GARS1: variants seen among roughly 807,000 people sequenced by gnomAD.
GARS1 encodes glycyl-tRNA synthetase 1, also known as glycine--tRNA ligase.
In GARS1, 46 loss-of-function variants were observed where a neutral mutation model predicts 86.4. The observed-to-expected ratio is 0.53, with a 90% CI of 0.42 to 0.68. The LOEUF (loss-of-function observed/expected upper bound fraction) is 0.68. Among genes scored for constraint, GARS1 ranks in the 30% least tolerant of loss-of-function variants. The pLI is 0.00. For missense variants in GARS1, 797 were observed against 915.6 expected (o/e 0.87, Z 1.67); for synonymous variants, 342 against 329.8 (o/e 1.04, Z -0.40).
In GARS1 at chr7:30,633,848, A is replaced by C. The variant is rs1783283636; in HGVS notation, c.2208A>C (p.Thr736=). 6.2e-7 allele frequency: 1 copy of C among 1,613,564 alleles called. No homozygotes were observed. Among genetic ancestry groups the C allele is most frequent in the South Asian group, 1.1e-5 (1 of 91,068 alleles). The change falls in exon 17 of 17, where the codon ACA becomes ACC. Residue 736 remains threonine, a synonymous_variant. Coordinates refer to ENST00000389266, the MANE Select transcript of GARS1 (RefSeq NM_002047.4). ...GGCAAGAGACTGGTAAAAAAGAGACAATCGAGGAATGAGGACAATTTTGAC... is the reference window on the plus strand; with the variant it reads ...GGCAAGAGACTGGTAAAAAAGAGACCATCGAGGAATGAGGACAATTTTGAC... ...FEGQETGKKE[T]IEE is the part of the protein sequence containing the mutation.
At chr7:30,626,509 C>T (rs532883640) in intron 13 of GARS1, among the ~76,000 whole-genome samples, 190 bp downstream of exon 13, 1 of 152,260 alleles carries the variant, frequency 6.6e-6, no homozygotes, top group South Asian at 2.1e-4. Flanking sequence ...GCTACCATAT[C>T]CAACTAATTT....
At position 30,595,742 on chromosome 7, in the gene GARS1, TGTGGG is replaced by T. The variant is rs1584018442; in HGVS notation, c.222+601_222+605del. On this transcript the variant is annotated intron_variant, in intron 1 of 16. Coordinates refer to ENST00000389266, the MANE Select transcript of GARS1 (RefSeq NM_002047.4). ...TGAGAAAATAGAATTGAAATGTGGA[TGTGGG>T]GAGGTGTCGAACTTTTCTATTAATG... 7 of 470,954 alleles carry T rather than the reference TGTGGG, an allele frequency of 1.5e-5. No individual in the cohort carries two copies. In the East Asian group the frequency reaches 4.9e-4, roughly 33 times the overall value. 29.2% of individuals were successfully genotyped at this position (470,954 alleles called of 1,614,324 possible).
At position 30,621,392 on chromosome 7, in the gene GARS1, G is replaced by A. The variant is rs966089381; in HGVS notation, c.1360-1G>A. On this transcript the variant is annotated splice_acceptor_variant, in intron 10 of 16. Transcript: ENST00000389266. LOFTEE classifies it high-confidence loss of function. ...TGTTTTTATTGATTATATCTTTTTA[G>A]GGTTGGATTGAGATTGTTGGATGTG... The A allele has an allele frequency of 6.2e-7, 1 of 1,613,018 alleles. No homozygotes were observed. Among genetic ancestry groups the A allele is most frequent in the African/African-American group, 1.3e-5 (1 of 74,854 alleles).
At chr7:30,609,225 C>T (rs1036314849) in intron 6 of GARS1, among the ~76,000 whole-genome samples, 2 of 152,136 alleles carry the variant, frequency 1.3e-5, no homozygotes, top group Non-Finnish European at 2.9e-5. Context: ...TGCAGAAATG[C>T]ACCTTAAATA....
intron 4 of GARS1, 58 bp downstream of exon 4, chr7:30,601,258 T>A: frequency 2.2e-6 from 3 of 1,370,374 alleles, no homozygotes; most frequent in Non-Finnish European, 3.0e-6. Flanking sequence ...CTTATTAAAT[T>A]ATTTAATATA....
intron 8 of GARS1, chr7:30,614,353 G>C (rs1782841501): frequency 6.6e-6 from 1 of 152,016 alleles, no homozygotes; most frequent in African/African-American, 2.4e-5. Context: ...GAAAGACTTT[G>C]GCAGCAGCAT....
Position 30,594,932 on chromosome 7 carries a change from C to G in GARS1, c.11C>G (p.Pro4Arg), listed in dbSNP as rs62636572. Reference protein sequence around the residue: MPSPRPVLLRGARA... With the variant: MPSRRPVLLRGARA... ...CAGGGCCGCAGGCTCATGCCCTCTC[C>G]GCGTCCAGTGCTGCTTAGAGGTGCT... Residue 4 changes from proline (P) to arginine (R), a missense_variant, in exon 1 of 17, where the codon CCG becomes CGG. Transcript: ENST00000389266. The G allele has an allele frequency of 6.3e-7, 1 of 1,591,140 alleles. No homozygotes were observed. The highest frequency in any genetic ancestry group is 8.5e-7 in the Non-Finnish European group (1 of 1,175,976).
chr7:30,626,141 G>GA lies in GARS1; in HGVS notation c.1614-87dup. On this transcript the variant is annotated intron_variant, in intron 12 of 16. Transcript: ENST00000389266. ...TGGAGAGTTGATCAAGTTATAAAAA[G>GA]AAAAAACAACTTAGCAATCTACAAA... 4.1e-6 allele frequency: 3 copies of GA among 730,748 alleles called. No homozygotes were observed. In the Admixed American group the frequency reaches 6.7e-5, roughly 16 times the overall value. 45.3% of individuals were successfully genotyped at this position (730,748 alleles called of 1,614,324 possible).
chr7:30,633,665 C>T, intron 16 of GARS1, 70 bp from the exon 17 acceptor site: 1 of 1,570,338 alleles, frequency 6.4e-7, no homozygotes, highest in East Asian at 2.2e-5. Context: ...TTCCTGAGTT[C>T]AGGATGAATC....
At chr7:30,633,223 T>C (rs1783272745) in intron 16 of GARS1, among the ~76,000 whole-genome samples, 1 of 152,148 alleles carries the variant, frequency 6.6e-6, no homozygotes, top group South Asian at 2.1e-4. Flanking sequence ...CCCCTGGAAA[T>C]GTATGAGATA....
intron 1 of GARS1, among the ~76,000 whole-genome samples, 165 bp downstream of exon 1, chr7:30,595,308 C>G (rs564113357): frequency 4.3e-4 from 66 of 152,298 alleles, no homozygotes; most frequent in African/African-American, 1.5e-3. Flanking sequence ...GGTCCCAAGT[C>G]CCCCGTGCGT....
chr7:30,597,874 A>G (rs1411951788), intron 1 of GARS1, among the ~76,000 whole-genome samples: 1 of 152,216 alleles, frequency 6.6e-6, no homozygotes, highest in Non-Finnish European at 1.5e-5. Context: ...TACTCAGCTG[A>G]AAGTTTTTCA....
intron 13 of GARS1, among the ~76,000 whole-genome samples, chr7:30,626,808 C>T (rs1285483054): frequency 7.2e-5 from 11 of 152,124 alleles, no homozygotes; most frequent in African/African-American, 2.7e-4. Context: ...TGGTGAAACC[C>T]CGTCTCTACT....
chr7:30,605,599 C>T (rs1791467685), intron 6 of GARS1, among the ~76,000 whole-genome samples: 1 of 152,156 alleles, frequency 6.6e-6, no homozygotes, highest in Non-Finnish European at 1.5e-5. Context: ...CTCACTGCAG[C>T]CAGGACCTCC....
intron 1 of GARS1, chr7:30,595,739 G>A: frequency 6.4e-6 from 3 of 470,812 alleles, no homozygotes; most frequent in Admixed American, 2.4e-5. Flanking sequence ...ATTGAAATGT[G>A]GATGTGGGGA....
intron 6 of GARS1, among the ~76,000 whole-genome samples, chr7:30,605,868 G>A (rs1253699030): frequency 2.0e-5 from 3 of 151,930 alleles, no homozygotes; most frequent in Admixed American, 6.6e-5. Flanking sequence ...TGTTTTCTAG[G>A]CTGTCTTAAA....
At chr7:30,618,909 T>A (rs1782943579) in intron 10 of GARS1, among the ~76,000 whole-genome samples, 1 of 152,242 alleles carries the variant, frequency 6.6e-6, no homozygotes, top group African/African-American at 2.4e-5. Context: ...TTATGGGTGA[T>A]CATTAATTTC....
At chr7:30,627,800 C>G (rs1473148368) in intron 13 of GARS1, among the ~76,000 whole-genome samples, 1 of 152,178 alleles carries the variant, frequency 6.6e-6, no homozygotes, top group Non-Finnish European at 1.5e-5. Flanking sequence ...AAATACAAAC[C>G]ATGTAATACT....
intron 1 of GARS1, chr7:30,595,867 C>T (rs1486386907): frequency 2.1e-6 from 1 of 471,006 alleles, no homozygotes; most frequent in Non-Finnish European, 4.4e-6. Flanking sequence ...ACCTGGGAAA[C>T]TAAGTGTTGC....
Sources: allele counts gnomAD v4.1 joint callset (sites outside exome capture counted in the v4.1 genomes callset), GRCh38; gene constraint gnomAD v4.1.1; transcripts MANE v1.5; gene names NCBI Gene and HGNC (gene_info 2026-07-23, HGNC 2026-07-21).